DGKH: variants seen among roughly 807,000 people sequenced by gnomAD.
The protein encoded by DGKH is DAG kinase eta.
DGKH carries 90 observed loss-of-function variants against 159.3 expected under a neutral mutation model. The observed-to-expected ratio is 0.57, with a 90% CI of 0.48 to 0.67. The LOEUF (loss-of-function observed/expected upper bound fraction) is 0.67, where lower values mean the gene tolerates loss of function less well. Among genes scored for constraint, DGKH ranks in the 30% least tolerant of loss-of-function variants. The pLI is 0.00. For synonymous variants in DGKH, 536 were observed against 553.8 expected (o/e 0.97, Z 0.45); for missense variants, 1,181 against 1,506.1 (o/e 0.78, Z 3.57).
Position 42,064,603 on chromosome 13 carries a change from A to G in DGKH, c.192+15638A>G, listed in dbSNP as rs141845928. 3.2e-4 allele frequency among the ~76,000 whole-genome samples: 49 copies of G among 152,300 alleles called. 1 individual carries two copies. The highest frequency in any genetic ancestry group is 1.1e-3 in the African/African-American group (44 of 41,566). The stretch of plus-strand genomic sequence containing the variant: ...GGACTGAGCAGCTGAGGTAGGAAGG[A>G]AGAGAAGACTGTTGGCAGAGGTTAA... On this transcript the variant is annotated intron_variant, in intron 1 of 29. Transcript: ENST00000337343.
rs191593600 is a variant in DGKH, at chr13:42,242,562, A to G, written c.*13374A>G. The G allele has an allele frequency of 8.5e-5, 13 of 152,330 alleles. No homozygotes were observed. In the East Asian group the frequency reaches 1.5e-3, roughly 18 times the overall value. The allele number at this position is 152,330 out of a possible 1,614,324, so 9.4% of individuals were successfully genotyped here. Reference sequence around the variant, plus strand: ...TACAATGGCATAATTTTAAAAATATATACAATTGAGATATTTATTGCCTAC... The same window carrying G: ...TACAATGGCATAATTTTAAAAATATGTACAATTGAGATATTTATTGCCTAC... On this transcript the variant is annotated 3_prime_UTR_variant, in exon 30 of 30. Transcript: ENST00000337343.
At chr13:42,205,119 CTGT>C (rs1312989797) in intron 20 of DGKH, among the ~76,000 whole-genome samples, 3 of 152,028 alleles carry the variant, frequency 2.0e-5, no homozygotes, top group Non-Finnish European at 4.4e-5. Context: ...CATCTGTAAG[CTGT>C]TCTCTTTTAA....
At chr13:42,151,319 T>C (rs1955877008) in intron 3 of DGKH, among the ~76,000 whole-genome samples, 1 of 151,862 alleles carries the variant, frequency 6.6e-6, no homozygotes, top group East Asian at 2.0e-4. Context: ...TTCCACACTA[T>C]GTCCATGTGT....
chr13:42,252,592 G>A (rs1958628190), intron 30 of DGKH: 1 of 152,588 alleles, frequency 6.6e-6, no homozygotes, highest in Non-Finnish European at 1.5e-5. Flanking sequence ...GTGGAAGCAG[G>A]AAAGAGCCAC....
chr13:42,253,824 T>C (rs1958637313), intron 30 of DGKH, among the ~76,000 whole-genome samples: 3 of 152,372 alleles, frequency 2.0e-5, no homozygotes, highest in African/African-American at 4.8e-5. Flanking sequence ...CCGTTCAATA[T>C]GGTAGCCACT....
chr13:42,127,233 G>C (rs188055076), intron 1 of DGKH, among the ~76,000 whole-genome samples: 1 of 152,128 alleles, frequency 6.6e-6, no homozygotes, highest in Non-Finnish European at 1.5e-5. Flanking sequence ...CATGTGTCTT[G>C]CCTATTATTT....
intron 1 of DGKH, among the ~76,000 whole-genome samples, chr13:42,095,142 A>G (rs1954497435): frequency 6.8e-6 from 1 of 147,172 alleles, no homozygotes; most frequent in Non-Finnish European, 1.5e-5. Context: ...CAGCCGCTCA[A>G]TAAATGTTGA....
chr13:42,060,751 G>A (rs1444565765), intron 1 of DGKH, among the ~76,000 whole-genome samples: 2 of 152,144 alleles, frequency 1.3e-5, no homozygotes, highest in Non-Finnish European at 2.9e-5. Flanking sequence ...GTTCATTTCT[G>A]TATATCTTAG....
At chr13:42,048,636 CG>C, upstream of DGKH, 1 of 1,106,920 alleles carries the variant, frequency 9.0e-7, no homozygotes, top group Non-Finnish European at 1.1e-6. This position sits in a 1 kb window ranked among gnomAD's most constrained non-coding sequence, Gnocchi z 6.7. Flanking sequence ...CCTTACCTCG[CG>C]GGGGTAGCTA....
At chr13:42,187,624 C>T (rs921742988) in intron 14 of DGKH, among the ~76,000 whole-genome samples, 19 of 152,164 alleles carry the variant, frequency 1.2e-4, no homozygotes, top group African/African-American at 4.3e-4. Context: ...GATCCGTCCA[C>T]CTCAGCCTCC....
chr13:42,117,216 A>G (rs1413977034), intron 1 of DGKH, among the ~76,000 whole-genome samples: 1 of 152,174 alleles, frequency 6.6e-6, no homozygotes, highest in East Asian at 1.9e-4. Flanking sequence ...TATTTCTTAT[A>G]TTTGTTACTA....
chr13:42,184,243 G>A (rs1329894216), intron 13 of DGKH, among the ~76,000 whole-genome samples: 6 of 152,122 alleles, frequency 3.9e-5, no homozygotes, highest in African/African-American at 1.4e-4. Flanking sequence ...GAATTTTTCA[G>A]ATATGATGAC....
intron 25 of DGKH, among the ~76,000 whole-genome samples, chr13:42,215,327 A>T (rs948437722): frequency 1.3e-5 from 2 of 152,108 alleles, no homozygotes; most frequent in Non-Finnish European, 2.9e-5. Context: ...TAGCATATAC[A>T]TATTCATTAG....
intron 1 of DGKH, among the ~76,000 whole-genome samples, chr13:42,096,851 C>CATATGGG (rs1954549481): frequency 6.6e-6 from 1 of 152,136 alleles, no homozygotes; most frequent in Non-Finnish European, 1.5e-5. Context: ...TGAGTTTGAT[C>CATATGGG]ATATGGGAAG....
At chr13:42,191,082 G>A (rs1002091431) in intron 16 of DGKH, among the ~76,000 whole-genome samples, 13 of 152,110 alleles carry the variant, frequency 8.5e-5, no homozygotes, top group Non-Finnish European at 1.5e-4. Context: ...TTTTGGTAAG[G>A]AAATGAATAT....
chr13:42,072,372 A>G (rs929049615), intron 1 of DGKH, among the ~76,000 whole-genome samples: 1 of 152,224 alleles, frequency 6.6e-6, no homozygotes, highest in African/African-American at 2.4e-5. Context: ...TACCTCACAG[A>G]GTTGTCGTGA....
At chr13:42,139,889 T>C (rs576783528) in intron 3 of DGKH, among the ~76,000 whole-genome samples, 9 of 152,272 alleles carry the variant, frequency 5.9e-5, no homozygotes, top group African/African-American at 1.7e-4. Flanking sequence ...TGTGGCCTTG[T>C]GAATAGGATT....
intron 3 of DGKH, 54 bp from the exon 4 acceptor site, chr13:42,155,237 A>T: frequency 2.8e-6 from 4 of 1,404,256 alleles, no homozygotes; most frequent in Non-Finnish European, 2.9e-6. Context: ...TAGGTTTTGC[A>T]ACAATCTTTC....
rs147336769 is a variant in DGKH, at chr13:42,238,163, A to G, written c.*8975A>G. 1.4e-3 allele frequency: 212 copies of G among 152,342 alleles called. 1 individual carries two copies. The highest frequency in any genetic ancestry group is 4.7e-3 in the African/African-American group (196 of 41,588). 9.4% of individuals were successfully genotyped at this position (152,342 alleles called of 1,614,324 possible). On this transcript the variant is annotated 3_prime_UTR_variant, in exon 30 of 30. Coordinates refer to ENST00000337343, the MANE Select transcript of DGKH (RefSeq NM_178009.5). ...ACGTTTCTTTTACTAAAGGAATTATATAAGTATGAATCATACCTAATTTTA... is the reference window on the plus strand; with the variant it reads ...ACGTTTCTTTTACTAAAGGAATTATGTAAGTATGAATCATACCTAATTTTA...
Sources: allele counts gnomAD v4.1 joint callset (sites outside exome capture counted in the v4.1 genomes callset), GRCh38; gene constraint gnomAD v4.1.1; non-coding constraint Gnocchi (gnomAD v3.1); transcripts MANE v1.5; gene names NCBI Gene and HGNC (gene_info 2026-07-23, HGNC 2026-07-21).